SPAG17: variants seen among roughly 807,000 people sequenced by gnomAD.
The protein encoded by SPAG17 is sperm associated antigen 17, also known as sperm-associated antigen 17.
SPAG17 carries 169 observed loss-of-function variants against 273.6 expected under a neutral mutation model. The observed-to-expected ratio is 0.62, with a 90% CI of 0.55 to 0.70. The LOEUF (loss-of-function observed/expected upper bound fraction) is 0.70. SPAG17 is among the 30% of genes least tolerant of loss of function. The pLI, the probability that SPAG17 is intolerant of heterozygous loss-of-function variation, is 0.00. For synonymous variants in SPAG17, 825 were observed against 873.2 expected (o/e 0.94, Z 0.97); for missense variants, 2,557 against 2,627.8 (o/e 0.97, Z 0.59).
intron 44 of SPAG17, among the ~76,000 whole-genome samples, chr1:117,972,974 G>T (rs1362855180): frequency 6.6e-6 from 1 of 152,182 alleles, no homozygotes; most frequent in Admixed American, 6.5e-5. Flanking sequence ...TTATCCTCAT[G>T]CTAAGTCATT....
Position 118,040,814 on chromosome 1 carries a change from G to A in SPAG17, c.3082C>T (p.Pro1028Ser), listed in dbSNP as rs749918093. 5.0e-6 allele frequency: 8 copies of A among 1,593,312 alleles called. No individual in the cohort carries two copies. The highest frequency in any genetic ancestry group is 2.2e-5 in the East Asian group (1 of 44,826). Residue 1028 changes from proline (P) to serine (S), a missense_variant, in exon 22 of 49, where the codon CCC (proline) becomes TCC (serine). Coordinates refer to ENST00000336338, the MANE Select transcript of SPAG17 (RefSeq NM_206996.4). ...PFHGYNMGNI[P>S]TQISGSNYYL... ...TAATTTGACCCTGAGATTTGAGTGG[G>A]TATATTTCCCATATTGTATCCGTGA...
At chr1:118,088,643 G>A (rs1158607742) in intron 10 of SPAG17, among the ~76,000 whole-genome samples, 1 of 151,944 alleles carries the variant, frequency 6.6e-6, no homozygotes, top group African/African-American at 2.4e-5. Flanking sequence ...GAAAAAATGT[G>A]TCACATCCAT....
rs1345029599 is a variant in SPAG17 at position 117,983,854 on chromosome 1, A to G, written c.5829T>C (p.Asp1943=). 2 of 1,613,020 alleles carry G rather than the reference A, an allele frequency of 1.2e-6. No individual in the cohort carries two copies. The highest frequency in any genetic ancestry group is 8.5e-7 in the Non-Finnish European group (1 of 1,179,442). The change falls in exon 42 of 49, where the codon GAT becomes GAC. Residue 1943 remains aspartate, a synonymous_variant. Coordinates refer to ENST00000336338, the MANE Select transcript of SPAG17 (RefSeq NM_206996.4). The part of the protein sequence containing the change: ...KLPSFTKKNE[D]ANETAVQDTS... Reference sequence around the variant, plus strand: ...TATCTTGAACAGCTGTTTCGTTTGCATCTTCATTTTTCTTTGTAAAAGAAG... The same window carrying G: ...TATCTTGAACAGCTGTTTCGTTTGCGTCTTCATTTTTCTTTGTAAAAGAAG...
intron 32 of SPAG17, 28 bp downstream of exon 32, chr1:118,005,386 C>T (rs954767875): frequency 1.3e-6 from 2 of 1,555,638 alleles, no homozygotes; most frequent in Admixed American, 3.9e-5. Context: ...GCCACAGGCT[C>T]TCTCTCCATA....
intron 30 of SPAG17, among the ~76,000 whole-genome samples, chr1:118,009,223 A>AAG (rs1367882988): frequency 2.0e-5 from 3 of 150,514 alleles, no homozygotes; most frequent in African/African-American, 7.4e-5. Context: ...ACGATTTTCC[A>AAG]AGAGTGTAGA....
At chr1:117,966,305 A>G in intron 47 of SPAG17, 1 of 217,182 alleles carries the variant, frequency 4.6e-6, no homozygotes. Flanking sequence ...CTTCCATAAA[A>G]TTATAATTTT....
chr1:118,029,203 C>T (rs1316676471), intron 25 of SPAG17, among the ~76,000 whole-genome samples: 3 of 152,086 alleles, frequency 2.0e-5, no homozygotes, highest in Non-Finnish European at 4.4e-5. Flanking sequence ...TACCATACTC[C>T]AGCCTGAGTG....
At chr1:118,094,566 T>C (rs1004471094) in intron 7 of SPAG17, among the ~76,000 whole-genome samples, 1 of 152,244 alleles carries the variant, frequency 6.6e-6, no homozygotes, top group Admixed American at 6.5e-5. Flanking sequence ...GGATCCTATC[T>C]TGGATATGAA....
intron 18 of SPAG17, among the ~76,000 whole-genome samples, chr1:118,062,573 C>G (rs1468629496): frequency 2.0e-5 from 3 of 151,952 alleles, no homozygotes; most frequent in African/African-American, 7.2e-5. Flanking sequence ...GAAGATATAA[C>G]AATTCTAATA....
At position 117,983,831 on chromosome 1, in the gene SPAG17, TCTTGAACAG is replaced by T. The variant is rs1370371579; in HGVS notation, c.5843_5851del (p.Ala1948_Gln1950del). On this transcript the variant is annotated inframe_deletion, in exon 42 of 49. Coordinates refer to ENST00000336338, the MANE Select transcript of SPAG17 (RefSeq NM_206996.4). ...ATTACCTAGATTAAGATCAGATGTA[TCTTGAACAG>T]CTGTTTCGTTTGCATCTTCATTTTT... is the stretch of plus-strand genomic sequence containing the variant. 6.2e-7 allele frequency: 1 copy of T among 1,611,622 alleles called. No homozygotes were observed. Among genetic ancestry groups the T allele is most frequent in the South Asian group, 1.1e-5 (1 of 90,948 alleles).
At chr1:118,044,988 TAA>T (rs1241427923) in intron 20 of SPAG17, among the ~76,000 whole-genome samples, 1 of 152,106 alleles carries the variant, frequency 6.6e-6, no homozygotes, top group Non-Finnish European at 1.5e-5. Flanking sequence ...ACAAGAGTGA[TAA>T]GAGGAAATTA....
At chr1:118,165,256 C>G (rs997823521) in intron 1 of SPAG17, among the ~76,000 whole-genome samples, 1 of 152,132 alleles carries the variant, frequency 6.6e-6, no homozygotes, top group African/African-American at 2.4e-5. Flanking sequence ...GGATTTTCAT[C>G]TCTTACAAGT....
chr1:117,964,152 A>G (rs1324459970), intron 47 of SPAG17: 1 of 426,366 alleles, frequency 2.3e-6, no homozygotes, highest in Non-Finnish European at 4.2e-6. Context: ...CCTAGTGTAC[A>G]TTTCTCTCCT....
At chr1:118,010,006 T>C (rs1659307082) in intron 30 of SPAG17, among the ~76,000 whole-genome samples, 1 of 151,916 alleles carries the variant, frequency 6.6e-6, no homozygotes, top group Admixed American at 6.6e-5. Context: ...GAAAGACAAA[T>C]AGCACACTTA....
chr1:118,140,177 C>CCAATT (rs1658595077), intron 3 of SPAG17, among the ~76,000 whole-genome samples: 1 of 152,038 alleles, frequency 6.6e-6, no homozygotes, highest in African/African-American at 2.4e-5. Flanking sequence ...TATAAATTAC[C>CCAATT]CAATTTCAGG....
chr1:117,999,779 T>C (rs1658070341), intron 32 of SPAG17, among the ~76,000 whole-genome samples: 1 of 152,230 alleles, frequency 6.6e-6, no homozygotes, highest in Non-Finnish European at 1.5e-5. Flanking sequence ...AGGTTGCCTG[T>C]TCACTCTGAT....
intron 20 of SPAG17, among the ~76,000 whole-genome samples, chr1:118,046,294 G>A (rs924390082): frequency 6.6e-5 from 10 of 151,896 alleles, no homozygotes; most frequent in Admixed American, 4.6e-4. Flanking sequence ...TTATAATCAC[G>A]CCACTGCACT....
At position 117,973,613 on chromosome 1, in the gene SPAG17, A is replaced by G. The variant is rs752122958; in HGVS notation, c.6005-52T>C. ...CCACATGGACATTTTATTCAAACAC[A>G]TTTGAAGTAATATCAGAATGTATGA... On this transcript the variant is annotated intron_variant, in intron 43 of 48. Transcript: ENST00000336338. 3.9e-6 allele frequency: 6 copies of G among 1,557,682 alleles called. No homozygotes were observed. In the Admixed American group the frequency reaches 5.4e-5, roughly 14 times the overall value.
In SPAG17 at chr1:117,973,549, T is replaced by G. The variant is rs989128627; in HGVS notation, c.6017A>C (p.Tyr2006Ser). The G allele has an allele frequency of 6.2e-7, 1 of 1,613,718 alleles. No individual in the cohort carries two copies. Among genetic ancestry groups the G allele is most frequent in the African/African-American group, 1.3e-5 (1 of 74,934 alleles). ...LTKSPEEAES[Y>S]EPVKIPTQSL... ...CTGGGTTGGAATTTTCACGGGCTCA[T>G]AAGATTCTGCTTCTGTTAGAGAGAA... Residue 2006 changes from tyrosine to serine, a missense_variant, in exon 44 of 49, where the codon TAT becomes TCT. Transcript: ENST00000336338.
Sources: allele counts gnomAD v4.1 joint callset (sites outside exome capture counted in the v4.1 genomes callset), GRCh38; gene constraint gnomAD v4.1.1; transcripts MANE v1.5; gene names NCBI Gene and HGNC (gene_info 2026-07-23, HGNC 2026-07-21).